The following GRID2 variants were observed in gnomAD, a reference collection of about 807,000 sequenced individuals.
GRID2 encodes the protein glutamate ionotropic receptor delta type subunit 2.
Under a neutral mutation model 114.8 loss-of-function variants are expected in GRID2, and 33 were observed. The observed-to-expected ratio is 0.29, with a 90% CI of 0.22 to 0.38. The LOEUF (loss-of-function observed/expected upper bound fraction) is 0.38. Ranked by LOEUF, GRID2 falls within the 10% of genes least tolerant of loss-of-function variation. GRID2 has a pLI of 1.00. For missense variants in GRID2, 1,184 were observed against 1,257.7 expected, an observed-to-expected ratio of 0.94 and a Z score of 0.89; for synonymous variants, 505 against 449.9, an observed-to-expected ratio of 1.12 and a Z score of -1.55.
intron 2 of GRID2, among the ~76,000 whole-genome samples, chr4:92,662,891 A>G (rs1012279829): frequency 3.3e-4 from 50 of 151,166 alleles, no homozygotes; most frequent in Admixed American, 1.7e-3. Flanking sequence ...TAATTCATCA[A>G]TATATTTAAA....
At chr4:93,598,768 C>T (rs1374723830) in intron 13 of GRID2, among the ~76,000 whole-genome samples, 1 of 152,142 alleles carries the variant, frequency 6.6e-6, no homozygotes, top group South Asian at 2.1e-4. Flanking sequence ...TATCCTCTTT[C>T]ATAGCTTTCT....
intron 8 of GRID2, among the ~76,000 whole-genome samples, chr4:93,311,076 G>T (rs941599758): frequency 1.3e-5 from 2 of 152,134 alleles, no homozygotes; most frequent in African/African-American, 4.8e-5. Flanking sequence ...ATCTGGAGAT[G>T]GTTCTGTTCA....
At chr4:92,748,333 G>A (rs546294063) in intron 2 of GRID2, among the ~76,000 whole-genome samples, 1 of 152,118 alleles carries the variant, frequency 6.6e-6, no homozygotes, top group Non-Finnish European at 1.5e-5. Flanking sequence ...AGAAAATTCA[G>A]ATTCAGGTTT....
chr4:92,551,485 CA>C (rs1726585078), intron 1 of GRID2, among the ~76,000 whole-genome samples: 1 of 152,090 alleles, frequency 6.6e-6, no homozygotes, highest in Non-Finnish European at 1.5e-5. Flanking sequence ...CTATAAAATG[CA>C]ACTAATAATA....
chr4:92,349,597 G>A (rs947970945), intron 1 of GRID2, among the ~76,000 whole-genome samples: 5 of 151,014 alleles, frequency 3.3e-5, no homozygotes, highest in Non-Finnish European at 7.4e-5. Flanking sequence ...TTTATAATAA[G>A]CAACTCAAAT....
chr4:92,680,679 C>T (rs1460321597), intron 2 of GRID2, among the ~76,000 whole-genome samples: 1 of 152,094 alleles, frequency 6.6e-6, no homozygotes, highest in Non-Finnish European at 1.5e-5. Flanking sequence ...AGGGTCAGAG[C>T]TGTAGTCATG....
chr4:92,562,656 G>A (rs997885761), intron 1 of GRID2, among the ~76,000 whole-genome samples: 3 of 152,074 alleles, frequency 2.0e-5, no homozygotes, highest in East Asian at 1.9e-4. Context: ...AAACATGAAG[G>A]AACATAGATG....
chr4:92,552,587 T>C (rs1039626359), intron 1 of GRID2, among the ~76,000 whole-genome samples: 4 of 152,024 alleles, frequency 2.6e-5, no homozygotes, highest in Non-Finnish European at 5.9e-5. Flanking sequence ...ATATAGGAGT[T>C]TCCAGAGGAA....
chr4:92,743,845 C>T (rs1002355609), intron 2 of GRID2, among the ~76,000 whole-genome samples: 15 of 152,212 alleles, frequency 9.9e-5, no homozygotes, highest in East Asian at 5.8e-4. Context: ...AAAGTCTCAA[C>T]GAAATTGAGT....
rs1265192319 is a variant in GRID2, at chr4:93,216,761, G to C, written c.813G>C (p.Gln271His). Reference protein sequence around the residue: ...INEEINDVDVQELVRRSIGRL... With the variant: ...INEEINDVDVHELVRRSIGRL... ...AGGAAATAAACGATGTGGACGTACA[G>C]GAACTTGTAAGAAGGTCAATTGGAA... Residue 271 changes from glutamine (Q) to histidine (H), a missense_variant, in exon 6 of 16, where the codon CAG becomes CAC. By Grantham distance (24) the Gln-to-His change is conservative (BLOSUM62 0). Around this residue, in one of 3 missense-constraint regions of GRID2, gnomAD observed 455 missense variants for 429.5 expected, o/e 1.06. Coordinates refer to ENST00000282020, the MANE Select transcript of GRID2 (RefSeq NM_001510.4). 1.2e-6 allele frequency: 2 copies of C among 1,611,158 alleles called. No homozygotes were observed. Among genetic ancestry groups the C allele is most frequent in the Non-Finnish European group, 1.7e-6 (2 of 1,177,538 alleles).
intron 1 of GRID2, among the ~76,000 whole-genome samples, chr4:92,577,122 G>T (rs1727934440): frequency 6.6e-6 from 1 of 152,016 alleles, no homozygotes; most frequent in Non-Finnish European, 1.5e-5. Context: ...TTGTTACTTT[G>T]TCAGTTATCA....
chr4:92,400,425 A>G (rs12644514), intron 1 of GRID2, among the ~76,000 whole-genome samples: 37,800 of 152,122 alleles, frequency 0.25, 5,181 homozygotes, highest in Non-Finnish European at 0.32. Context: ...ATGCTGTAGC[A>G]TGTATTAGTA....
intron 1 of GRID2, among the ~76,000 whole-genome samples, chr4:92,385,629 TATTTTA>T (rs937602668): frequency 4.6e-5 from 7 of 151,452 alleles, no homozygotes; most frequent in Non-Finnish European, 7.4e-5. Context: ...TAATATAATT[TATTTTA>T]AATTTAAATT....
At chr4:92,528,995 G>A (rs1725179945) in intron 1 of GRID2, among the ~76,000 whole-genome samples, 1 of 151,982 alleles carries the variant, frequency 6.6e-6, no homozygotes, top group African/African-American at 2.4e-5. Context: ...TTTAGGCAAT[G>A]GAAGATAGGA....
chr4:92,972,422 A>G (rs996531668), intron 2 of GRID2, among the ~76,000 whole-genome samples: 2 of 152,088 alleles, frequency 1.3e-5, no homozygotes, highest in Non-Finnish European at 2.9e-5. Flanking sequence ...TGTGGGGGAC[A>G]TGAATAAACG....
At chr4:93,383,777 C>T (rs1579901834) in intron 8 of GRID2, among the ~76,000 whole-genome samples, 1 of 152,206 alleles carries the variant, frequency 6.6e-6, no homozygotes, top group East Asian at 1.9e-4. Context: ...TCTGGACCAG[C>T]CTTTTTTTAT....
At chr4:92,482,031 T>TATAA (rs1274518334) in intron 1 of GRID2, among the ~76,000 whole-genome samples, 7 of 57,848 alleles carry the variant, frequency 1.2e-4, no homozygotes, top group South Asian at 5.6e-4. Flanking sequence ...TATATATATA[T>TATAA]ATAAAATAAC....
intron 5 of GRID2, among the ~76,000 whole-genome samples, chr4:93,216,087 CTCTCA>C (rs1158507703): frequency 2.0e-5 from 3 of 151,940 alleles, no homozygotes; most frequent in Non-Finnish European, 4.4e-5. Flanking sequence ...CTGGGTTTCT[CTCTCA>C]TCTCATCCTG....
intron 11 of GRID2, among the ~76,000 whole-genome samples, chr4:93,462,368 A>G (rs1169472927): frequency 6.6e-6 from 1 of 152,096 alleles, no homozygotes; most frequent in East Asian, 1.9e-4. Flanking sequence ...AAAGAAGGAA[A>G]ATTCCTTTGG....
Sources: gnomAD v4.1 joint callset for allele counts (sites outside exome capture counted in the v4.1 genomes callset) on GRCh38, gnomAD v4.1.1 for gene constraint, gnomAD v4.1.1 regional missense constraint, MANE v1.5 for transcripts, NCBI Gene and HGNC (gene_info 2026-07-23, HGNC 2026-07-21) for gene names.